The following ATE1 variants were observed in gnomAD, a reference collection of about 807,000 sequenced individuals.
ATE1 encodes arginyltransferase 1.
ATE1 carries 36 observed loss-of-function variants against 70.5 expected under a neutral mutation model. That is an observed-to-expected ratio of 0.51 (90% CI 0.39 to 0.67). The LOEUF (loss-of-function observed/expected upper bound fraction) is 0.67, where lower values mean the gene tolerates loss of function less well. Ranked by LOEUF, ATE1 falls within the 30% of genes least tolerant of loss-of-function variation. The probability of loss-of-function intolerance (pLI) is 0.00; values close to 1 mark genes in which losing one functional copy is unlikely to be tolerated. For synonymous variants in ATE1, 232 were observed against 219.3 expected, an observed-to-expected ratio of 1.06 and a Z score of -0.51; for missense variants, 593 against 629.5, an observed-to-expected ratio of 0.94 and a Z score of 0.62.
intron 10 of ATE1, among the ~76,000 whole-genome samples, chr10:121,830,016 A>C (rs180760077): frequency 6.6e-6 from 1 of 152,224 alleles, no homozygotes; most frequent in Non-Finnish European, 1.5e-5. Context: ...TAGACCTTCA[A>C]TTTGCAATGA....
At chr10:121,820,755 C>A (rs1312407291) in intron 10 of ATE1, among the ~76,000 whole-genome samples, 3 of 152,148 alleles carry the variant, frequency 2.0e-5, no homozygotes, top group African/African-American at 4.8e-5. Flanking sequence ...CATCATAATA[C>A]AAATAATTTA....
chr10:121,919,653 C>T (rs573111751), intron 3 of ATE1, among the ~76,000 whole-genome samples: 1 of 152,186 alleles, frequency 6.6e-6, no homozygotes, highest in Non-Finnish European at 1.5e-5. Context: ...TGGTGGCTCA[C>T]GCCTGAAATC....
intron 5 of ATE1, among the ~76,000 whole-genome samples, chr10:121,904,379 T>G (rs944962668): frequency 6.6e-6 from 1 of 151,554 alleles, no homozygotes; most frequent in Admixed American, 6.6e-5. Context: ...CAGTGGCTCA[T>G]GCCTGTAATC....
chr10:121,905,174 C>T (rs1951141253), intron 5 of ATE1, among the ~76,000 whole-genome samples: 1 of 152,150 alleles, frequency 6.6e-6, no homozygotes, highest in African/African-American at 2.4e-5. Flanking sequence ...TATAGAGTTC[C>T]TGTGAGGATT....
intron 8 of ATE1, 25 bp from the exon 9 acceptor site, chr10:121,841,288 A>G (rs1948620715): frequency 7.3e-7 from 1 of 1,371,006 alleles, no homozygotes; most frequent in Non-Finnish European, 9.5e-7. Flanking sequence ...AGGCACAAAC[A>G]GCCATTTTTT....
rs576574209 is a variant in ATE1, at chr10:121,853,281, G to A, written c.976-12018C>T. Among the ~76,000 whole-genome samples, 9 of 149,176 alleles carry A rather than the reference G, an allele frequency of 6.0e-5. No homozygotes were observed. In the South Asian group the frequency reaches 1.1e-3, roughly 18 times the overall value. On this transcript the variant is annotated intron_variant, in intron 8 of 11. Coordinates refer to ENST00000224652, the MANE Select transcript of ATE1 (RefSeq NM_001001976.3). ...CGGGAGGCTGAGGCAGGAGAATGGC[G>A]TGAACCCAGAAGGTGGAGCTTGCAG...
chr10:121,809,841 C>T (rs1442999106), intron 10 of ATE1, among the ~76,000 whole-genome samples: 4 of 151,096 alleles, frequency 2.6e-5, no homozygotes, highest in East Asian at 2.0e-4. Flanking sequence ...GTCAGAGAAT[C>T]GTGAGGGAAA....
At chr10:121,927,595 C>T (rs956749296) in intron 1 of ATE1, 16 of 966,948 alleles carry the variant, frequency 1.7e-5, no homozygotes, top group Non-Finnish European at 2.0e-5. Context: ...GACGGGCGTC[C>T]GTCTCCCGAC....
At position 121,833,783 on chromosome 10, in the gene ATE1, AT is replaced by A. The variant is rs533754944; in HGVS notation, c.1257+2934del. On this transcript the variant is annotated intron_variant, in intron 10 of 11. Transcript: ENST00000224652. The stretch of plus-strand genomic sequence containing the variant: ...GCTTCTTCAATAGGAGTAATTCTGA[AT>A]TTAATAAACAGAAAACAGCAAACTT... Among the ~76,000 whole-genome samples the A allele has an allele frequency of 3.3e-5, 5 of 152,278 alleles. No homozygotes were observed. The East Asian group carries it at 9.7e-4, about 29-fold the overall frequency.
chr10:121,871,903 T>G (rs1387866442), intron 7 of ATE1, among the ~76,000 whole-genome samples: 3 of 152,226 alleles, frequency 2.0e-5, no homozygotes, highest in Non-Finnish European at 4.4e-5. Context: ...ATAATTTTAT[T>G]GAAATTTAAA....
chr10:121,761,254 C>G (rs1945027111), intron 11 of ATE1, among the ~76,000 whole-genome samples: 1 of 152,196 alleles, frequency 6.6e-6, no homozygotes, highest in African/African-American at 2.4e-5. Flanking sequence ...TAAACCTCCT[C>G]TTTATAAACT....
intron 5 of ATE1, among the ~76,000 whole-genome samples, chr10:121,910,184 G>A (rs1951363607): frequency 6.6e-6 from 1 of 152,104 alleles, no homozygotes; most frequent in African/African-American, 2.4e-5. Context: ...ACTTTAACAT[G>A]TGTAACATAG....
At chr10:121,897,409 AG>A (rs1950821309) in intron 7 of ATE1, among the ~76,000 whole-genome samples, 1 of 152,198 alleles carries the variant, frequency 6.6e-6, no homozygotes, top group Non-Finnish European at 1.5e-5. Context: ...GAAGCTTCCT[AG>A]GCCTAGCAGA....
At position 121,740,544 on chromosome 10, in the gene ATE1, G is replaced by A. The variant is rs907388495; in HGVS notation, c.*3136C>T. The stretch of plus-strand genomic sequence containing the variant: ...AACTTCTTTTGCCTTATAGTCATTG[G>A]CTTTCTTTTAGAAAAGAGTGTGCAC... On this transcript the variant is annotated 3_prime_UTR_variant, in exon 12 of 12. Transcript: ENST00000224652. 5.9e-5 allele frequency: 9 copies of A among 152,112 alleles called. No homozygotes were observed. The highest frequency in any genetic ancestry group is 1.9e-4 in the African/African-American group (8 of 41,432). 9.4% of individuals were successfully genotyped at this position (152,112 alleles called of 1,614,324 possible).
intron 3 of ATE1, among the ~76,000 whole-genome samples, chr10:121,919,354 T>C (rs1951787548): frequency 6.6e-6 from 1 of 151,610 alleles, no homozygotes; most frequent in Non-Finnish European, 1.5e-5. Context: ...AGGTCAGGAG[T>C]TCGAGACCAG....
intron 11 of ATE1, among the ~76,000 whole-genome samples, chr10:121,783,684 A>T (rs1347969590): frequency 2.6e-5 from 4 of 152,084 alleles, no homozygotes; most frequent in African/African-American, 9.7e-5. Flanking sequence ...CCCTTAAAAT[A>T]TTTTTTAAAA....
At chr10:121,785,426 G>A (rs936434307) in intron 11 of ATE1, among the ~76,000 whole-genome samples, 1 of 152,118 alleles carries the variant, frequency 6.6e-6, no homozygotes, top group African/African-American at 2.4e-5. Context: ...TGCCAGGCTT[G>A]GAGAAACAGG....
chr10:121,863,185 T>A (rs2133970012), intron 8 of ATE1, among the ~76,000 whole-genome samples: 1 of 152,274 alleles, frequency 6.6e-6, no homozygotes, highest in East Asian at 1.9e-4. Context: ...TGCATATTCA[T>A]TTGATGAACT....
intron 10 of ATE1, among the ~76,000 whole-genome samples, chr10:121,810,245 G>C (rs1483138059): frequency 1.3e-5 from 2 of 152,058 alleles, no homozygotes; most frequent in South Asian, 4.1e-4. Context: ...CAGCCTTTCG[G>C]GGTAACTGCT....
Sources: allele counts gnomAD v4.1 joint callset (sites outside exome capture counted in the v4.1 genomes callset), GRCh38; gene constraint gnomAD v4.1.1; transcripts MANE v1.5; gene names NCBI Gene and HGNC (gene_info 2026-07-23, HGNC 2026-07-21).